HORMAD2: variants seen among roughly 807,000 people sequenced by gnomAD.
The protein encoded by HORMAD2 is HORMA domain containing 2.
HORMAD2 carries 45 observed loss-of-function variants against 38.8 expected under a neutral mutation model. The observed-to-expected ratio is 1.16, with a 90% CI of 0.91 to 1.49. The LOEUF is 1.49. HORMAD2 is among the 40% of genes most tolerant of loss of function. The pLI is 0.00. For synonymous variants in HORMAD2, 126 were observed against 122.8 expected, an observed-to-expected ratio of 1.03 and a Z score of -0.17; for missense variants, 338 against 367.0, an observed-to-expected ratio of 0.92 and a Z score of 0.65.
intron 5 of HORMAD2, among the ~76,000 whole-genome samples, chr22:30,105,736 A>C (rs954417156): frequency 6.6e-6 from 1 of 152,130 alleles, no homozygotes; most frequent in Non-Finnish European, 1.5e-5. Flanking sequence ...TTACATACTG[A>C]CTCAGCTGTA....
At chr22:30,181,932 C>T (rs1016020465), downstream of HORMAD2, among the ~76,000 whole-genome samples, 7 of 152,192 alleles carry the variant, frequency 4.6e-5, no homozygotes, top group South Asian at 2.1e-4. Flanking sequence ...GATGTCCATT[C>T]GGATAAGAAT....
At chr22:30,181,745 C>T (rs546126781), downstream of HORMAD2, among the ~76,000 whole-genome samples, 2 of 152,304 alleles carry the variant, frequency 1.3e-5, no homozygotes, top group East Asian at 1.9e-4. Flanking sequence ...CCCAGGGATG[C>T]GGATTTGGCC....
chr22:30,136,980 C>T, intron 10 of HORMAD2: 2 of 519,524 alleles, frequency 3.8e-6, no homozygotes, highest in South Asian at 2.3e-5. Context: ...CTGGATTTGG[C>T]AGACCTGTTA....
intron 5 of HORMAD2, among the ~76,000 whole-genome samples, chr22:30,109,450 T>C (rs1287879255): frequency 6.6e-6 from 1 of 152,172 alleles, no homozygotes; most frequent in Admixed American, 6.5e-5. Flanking sequence ...CCCAAGTAGC[T>C]AGGACCACAA....
intron 5 of HORMAD2, among the ~76,000 whole-genome samples, chr22:30,110,065 C>T (rs1569090999): frequency 1.3e-5 from 2 of 151,948 alleles, no homozygotes; most frequent in African/African-American, 2.4e-5. Context: ...GAAAAAATAA[C>T]AGTACAACAA....
chr22:30,141,334 G>A (rs1924056027), intron 10 of HORMAD2, among the ~76,000 whole-genome samples: 1 of 152,110 alleles, frequency 6.6e-6, no homozygotes. Context: ...GTTATTAGGA[G>A]TATGTTGTTT....
chr22:30,148,275 A>G (rs983072780), intron 10 of HORMAD2, among the ~76,000 whole-genome samples: 1 of 152,208 alleles, frequency 6.6e-6, no homozygotes, highest in Admixed American at 6.5e-5. Context: ...AAAAACTTAG[A>G]TGCAAAAGAC....
At chr22:30,109,547 G>A (rs1033691984) in intron 5 of HORMAD2, among the ~76,000 whole-genome samples, 1 of 152,050 alleles carries the variant, frequency 6.6e-6, no homozygotes, top group African/African-American at 2.4e-5. Flanking sequence ...GAACTCCTGG[G>A]TTCAAATGAT....
chr22:30,183,057 C>A, the HORMAD2 span, among the ~76,000 whole-genome samples: 1 of 152,172 alleles, frequency 6.6e-6, no homozygotes, highest in South Asian at 2.1e-4. Flanking sequence ...TCTTTCCCTC[C>A]CTTTTAAACA....
chr22:30,206,382 A>G, the HORMAD2 span, among the ~76,000 whole-genome samples: 3 of 151,830 alleles, frequency 2.0e-5, no homozygotes, highest in East Asian at 3.9e-4. Flanking sequence ...CTGGTCTCCA[A>G]CTCCTGACCT....
the HORMAD2 span, chr22:30,206,957 A>C: frequency 9.7e-6 from 4 of 413,226 alleles, no homozygotes; most frequent in Admixed American, 5.3e-5. Flanking sequence ...CAATTCCCCC[A>C]CCCGCCCCAC....
intron 5 of HORMAD2, among the ~76,000 whole-genome samples, chr22:30,111,315 A>C (rs534987264): frequency 1.3e-5 from 2 of 151,622 alleles, no homozygotes; most frequent in Admixed American, 6.6e-5. Context: ...GCAAAACCCC[A>C]TCTCTACTGA....
At chr22:30,148,820 C>T (rs1429667895) in intron 10 of HORMAD2, among the ~76,000 whole-genome samples, 4 of 152,020 alleles carry the variant, frequency 2.6e-5, no homozygotes, top group Admixed American at 6.6e-5. Context: ...CTGGCTAACA[C>T]GGTGAAACCC....
intron 10 of HORMAD2, among the ~76,000 whole-genome samples, chr22:30,122,875 A>G (rs115638622): frequency 2.6e-3 from 395 of 152,326 alleles, no homozygotes; most frequent in African/African-American, 9.1e-3. Flanking sequence ...TGTCTGGATA[A>G]TAATGTTAAC....
At chr22:30,184,623 T>C in the HORMAD2 span, 1 of 152,164 alleles carries the variant, frequency 6.6e-6, no homozygotes, top group African/African-American at 2.4e-5. Context: ...TAGACTCAGG[T>C]TGCATTCGAT....
the HORMAD2 span, among the ~76,000 whole-genome samples, chr22:30,205,338 A>G: frequency 6.6e-6 from 1 of 152,118 alleles, no homozygotes. Flanking sequence ...AGCAGGGACA[A>G]GTACTCATCT....
intron 10 of HORMAD2, among the ~76,000 whole-genome samples, chr22:30,129,990 T>C (rs1448612719): frequency 6.6e-6 from 1 of 152,214 alleles, no homozygotes; most frequent in Non-Finnish European, 1.5e-5. Context: ...CTGAAATTTC[T>C]TTACTCTTGG....
At chr22:30,145,542 A>G (rs893205225) in intron 10 of HORMAD2, among the ~76,000 whole-genome samples, 1 of 152,208 alleles carries the variant, frequency 6.6e-6, no homozygotes, top group Admixed American at 6.5e-5. Flanking sequence ...GAAAAATACC[A>G]TATCTGAAAT....
intron 1 of HORMAD2, among the ~76,000 whole-genome samples, chr22:30,084,930 G>A (rs1478228061): frequency 1.3e-5 from 2 of 152,122 alleles, no homozygotes; most frequent in African/African-American, 2.4e-5. Context: ...CGGATCATGA[G>A]GTCAGGAGTT....
Sources: allele counts gnomAD v4.1 joint callset (sites outside exome capture counted in the v4.1 genomes callset), GRCh38; gene constraint gnomAD v4.1.1; transcripts MANE v1.5; gene names NCBI Gene and HGNC (gene_info 2026-07-23, HGNC 2026-07-21).